Variants in GRIK2 observed in about 807,000 individuals in gnomAD.
GRIK2 encodes the protein glutamate ionotropic receptor kainate type subunit 2.
A neutral mutation model predicts 100.3 loss-of-function variants in GRIK2; 32 were observed. The observed-to-expected ratio is 0.32, with a 90% CI of 0.24 to 0.43. The LOEUF is 0.43. Among genes scored for constraint, GRIK2 ranks in the 20% least tolerant of loss-of-function variants. GRIK2 has a pLI of 1.00. For synonymous variants in GRIK2, 417 were observed against 389.4 expected, an observed-to-expected ratio of 1.07 and a Z score of -0.83; for missense variants, 843 against 1,114.9, an observed-to-expected ratio of 0.76 and a Z score of 3.47.
At chr6:101,584,918 A>T (rs1778280770) in intron 2 of GRIK2, among the ~76,000 whole-genome samples, 2 of 151,922 alleles carry the variant, frequency 1.3e-5, no homozygotes, top group South Asian at 4.1e-4. Context: ...ATCACCACTT[A>T]CTGAAATGTT....
At chr6:101,827,696 T>C (rs544007788) in intron 10 of GRIK2, among the ~76,000 whole-genome samples, 2 of 151,950 alleles carry the variant, frequency 1.3e-5, no homozygotes, top group African/African-American at 2.4e-5. Flanking sequence ...AGAATGACAT[T>C]ACATAATGAT....
At chr6:101,864,538 C>T (rs915321758) in intron 11 of GRIK2, among the ~76,000 whole-genome samples, 5 of 152,170 alleles carry the variant, frequency 3.3e-5, no homozygotes, top group African/African-American at 1.2e-4. Flanking sequence ...AATGGGTTTT[C>T]AAATCAGATT....
At chr6:101,664,868 GA>G (rs974495548) in intron 4 of GRIK2, among the ~76,000 whole-genome samples, 4 of 152,106 alleles carry the variant, frequency 2.6e-5, no homozygotes, top group African/African-American at 7.2e-5. Flanking sequence ...ATGCTCAAGG[GA>G]ACAGCCCTTT....
intron 2 of GRIK2, among the ~76,000 whole-genome samples, chr6:101,419,432 G>A (rs978668382): frequency 6.6e-6 from 1 of 152,162 alleles, no homozygotes; most frequent in African/African-American, 2.4e-5. Context: ...TCCTGAGAGA[G>A]AGATTCTCTA....
At chr6:101,891,448 T>A (rs9377320) in intron 12 of GRIK2, 37 of 312,994 alleles carry the variant, frequency 1.2e-4, no homozygotes, top group Admixed American at 1.1e-3. Flanking sequence ...ACCTGGGAGG[T>A]GGAGGTTGCA....
chr6:101,809,621 G>A (rs1781207564), intron 9 of GRIK2, among the ~76,000 whole-genome samples: 1 of 151,932 alleles, frequency 6.6e-6, no homozygotes, highest in Non-Finnish European at 1.5e-5. Flanking sequence ...ACTTGTCCAG[G>A]AACTGAGATT....
intron 4 of GRIK2, among the ~76,000 whole-genome samples, 190 bp downstream of exon 4, chr6:101,626,827 ACTT>A (rs1248720840): frequency 1.3e-5 from 2 of 152,096 alleles, no homozygotes; most frequent in African/African-American, 2.4e-5. Context: ...TATGTTGAAT[ACTT>A]CTTCTCTGTA....
intron 2 of GRIK2, among the ~76,000 whole-genome samples, chr6:101,592,847 G>A (rs910783756): frequency 2.0e-5 from 3 of 151,210 alleles, no homozygotes; most frequent in African/African-American, 4.9e-5. Context: ...ACTGTATAAA[G>A]GAAATGAAAA....
intron 14 of GRIK2, among the ~76,000 whole-genome samples, chr6:102,015,208 T>C (rs1310879446): frequency 2.1e-5 from 3 of 145,398 alleles, no homozygotes. Context: ...CTTCTTTTTT[T>C]TTTATCTTTG....
chr6:101,586,450 G>A lies in GRIK2; in HGVS notation c.116-35499G>A, dbSNP rs1260053159. Among the ~76,000 whole-genome samples the A allele has an allele frequency of 5.3e-5, 8 of 152,022 alleles. No homozygotes were observed. The East Asian group carries it at 1.5e-3, about 29-fold the overall frequency. ...AATGAAACACCTTGGACATCTGGAA[G>A]GGCCAAATCCAAAACTGCTCTGAAG... On this transcript the variant is annotated intron_variant, in intron 2 of 16. Transcript: ENST00000369134.
intron 14 of GRIK2, among the ~76,000 whole-genome samples, chr6:102,003,389 A>C (rs1795049780): frequency 6.6e-6 from 1 of 151,680 alleles, no homozygotes; most frequent in African/African-American, 2.4e-5. Flanking sequence ...TCATCTTGGA[A>C]TCCTCTGGCT....
intron 7 of GRIK2, among the ~76,000 whole-genome samples, chr6:101,717,631 T>C (rs1418149955): frequency 5.3e-5 from 8 of 151,876 alleles, no homozygotes; most frequent in Non-Finnish European, 1.0e-4. Context: ...TCTTCCATAA[T>C]AGGACTGAAG....
chr6:101,992,513 C>T (rs966385051), intron 14 of GRIK2, among the ~76,000 whole-genome samples: 36 of 151,604 alleles, frequency 2.4e-4, no homozygotes, highest in African/African-American at 8.0e-4. Context: ...TGCAGCTCCA[C>T]TTTGGTATTA....
intron 2 of GRIK2, among the ~76,000 whole-genome samples, chr6:101,518,126 G>A (rs1453764565): frequency 6.6e-6 from 1 of 152,040 alleles, no homozygotes; most frequent in Non-Finnish European, 1.5e-5. Flanking sequence ...TATTAAAATT[G>A]TAAGATGGAG....
intron 2 of GRIK2, among the ~76,000 whole-genome samples, chr6:101,577,344 TAAC>T (rs1777839353): frequency 6.6e-6 from 1 of 152,096 alleles, no homozygotes; most frequent in African/African-American, 2.4e-5. Context: ...AATAACATAA[TAAC>T]AGCATTCATT....
chr6:101,404,448 A>G (rs1453401623), intron 2 of GRIK2, among the ~76,000 whole-genome samples: 1 of 152,236 alleles, frequency 6.6e-6, no homozygotes, highest in Non-Finnish European at 1.5e-5. Flanking sequence ...GGTAGAAATT[A>G]AACGTTCAGG....
chr6:101,617,255 A>T (rs1435378935), intron 2 of GRIK2, among the ~76,000 whole-genome samples: 1 of 151,728 alleles, frequency 6.6e-6, no homozygotes, highest in Admixed American at 6.6e-5. Context: ...TAAGAAACAG[A>T]TCATCACCAG....
chr6:101,724,309 A>T (rs1774706308), intron 7 of GRIK2, among the ~76,000 whole-genome samples: 1 of 151,850 alleles, frequency 6.6e-6, no homozygotes, highest in African/African-American at 2.4e-5. Flanking sequence ...TAAACATAGT[A>T]TCCAATAGGT....
chr6:101,861,793 G>A (rs1784749707), intron 11 of GRIK2, among the ~76,000 whole-genome samples: 1 of 152,166 alleles, frequency 6.6e-6, no homozygotes, highest in African/African-American at 2.4e-5. Flanking sequence ...GACCCCTAAA[G>A]TTTTGATGAA....
Sources: gnomAD v4.1 joint callset for allele counts (sites outside exome capture counted in the v4.1 genomes callset) on GRCh38, gnomAD v4.1.1 for gene constraint, MANE v1.5 for transcripts, NCBI Gene and HGNC (gene_info 2026-07-23, HGNC 2026-07-21) for gene names.